The following CFAP74 variants were observed in gnomAD, a reference collection of about 807,000 sequenced individuals.
The protein encoded by CFAP74 is cilia- and flagella-associated protein 74.
Under a neutral mutation model 188.9 loss-of-function variants are expected in CFAP74, and 124 were observed. The observed-to-expected ratio is 0.66, with a 90% CI of 0.57 to 0.76. The LOEUF (loss-of-function observed/expected upper bound fraction) is 0.76, where lower values mean the gene tolerates loss of function less well. Ranked by LOEUF, CFAP74 falls within the 30% of genes least tolerant of loss-of-function variation. The pLI, the probability that CFAP74 is intolerant of heterozygous loss-of-function variation, is 0.00. For missense variants in CFAP74, 2,198 were observed against 2,165.2 expected (o/e 1.02, Z -0.30); for synonymous variants, 956 against 916.7 (o/e 1.04, Z -0.77).
At position 1,927,593 on chromosome 1, in the gene CFAP74, C is replaced by T. The variant is rs1396015773; in HGVS notation, c.3527+14G>A. Reference sequence around the variant, plus strand: ...CTGGAGGGAAGCAGGTGGGGCAGCCCCTCCTGGACCCACCTGGGCCTCAGC... The same window carrying T: ...CTGGAGGGAAGCAGGTGGGGCAGCCTCTCCTGGACCCACCTGGGCCTCAGC... On this transcript the variant is annotated intron_variant, in intron 28 of 38. Coordinates refer to ENST00000682832, the MANE Select transcript of CFAP74 (RefSeq NM_001304360.2). 4 of 1,546,712 alleles carry T rather than the reference C, an allele frequency of 2.6e-6. No homozygotes were observed. The South Asian group carries it at 4.8e-5, about 18-fold the overall frequency.
At chr1:1,957,288 A>G (rs2102062712) in intron 16 of CFAP74, among the ~76,000 whole-genome samples, 1 of 152,282 alleles carries the variant, frequency 6.6e-6, no homozygotes, top group Non-Finnish European at 1.5e-5. Flanking sequence ...GCTCTGCCCA[A>G]TGGCCCCTCC....
chr1:1,929,581 C>T (rs568679261), intron 26 of CFAP74, among the ~76,000 whole-genome samples: 2 of 151,864 alleles, frequency 1.3e-5, no homozygotes, highest in South Asian at 2.1e-4. Flanking sequence ...CCCTTACATG[C>T]CCTTCCTCAC....
chr1:1,968,941 G>A lies in CFAP74; in HGVS notation c.1047-108C>T, dbSNP rs927608211. 3.8e-5 allele frequency: 22 copies of A among 582,308 alleles called. No homozygotes were observed. Among genetic ancestry groups the A allele is most frequent in the African/African-American group, 2.6e-4 (11 of 42,548 alleles). The allele number at this position is 582,308 out of a possible 1,614,324, so 36.1% of individuals were successfully genotyped here. ...TCCCTAGCGCCCTCCTGGGGGCTCC[G>A]GTCCTGCCCAGCAGCCCCAGGTGAG... On this transcript the variant is annotated intron_variant, in intron 10 of 38. Coordinates refer to ENST00000682832, the MANE Select transcript of CFAP74 (RefSeq NM_001304360.2). This position sits in a 1 kb window ranked among gnomAD's most constrained non-coding sequence, Gnocchi z 4.3.
rs796189117 is a variant in CFAP74, at chr1:1,963,128, A to C, written c.1694+621T>G. On this transcript the variant is annotated intron_variant, in intron 14 of 38. Transcript: ENST00000682832. The stretch of plus-strand genomic sequence containing the variant: ...CTAATTGCCAGGGAAAACTTATCAG[A>C]ATGGTCAACATCAAAACATAACAAT... Among the ~76,000 whole-genome samples the C allele has an allele frequency of 2.6e-5, 4 of 152,196 alleles. No individual in the cohort carries two copies. The South Asian group carries it at 6.2e-4, about 24-fold the overall frequency.
rs866248787 is a variant in CFAP74, at chr1:1,981,858, G to A, written c.500+3528C>T. Among the ~76,000 whole-genome samples the A allele has an allele frequency of 5.5e-4, 50 of 90,152 alleles. 1 individual carries two copies. The highest frequency in any genetic ancestry group is 7.8e-4 in the South Asian group (2 of 2,578). 59.1% of individuals were successfully genotyped at this position (90,152 alleles called of 152,430 possible). A position where few individuals can be genotyped will look rare whatever the true frequency, so the allele number is the denominator to read the frequency against. The stretch of plus-strand genomic sequence containing the variant: ...ACGGGGGCACGCAGGACACCCAGCC[G>A]CGGACAGACACGGGGGCACGCAGGA... On this transcript the variant is annotated intron_variant, in intron 6 of 38. Transcript: ENST00000682832.
intron 6 of CFAP74, among the ~76,000 whole-genome samples, chr1:1,982,539 G>C (rs1351658132): frequency 6.6e-6 from 1 of 152,258 alleles, no homozygotes; most frequent in Non-Finnish European, 1.5e-5. Flanking sequence ...TTAACACTGG[G>C]TGGAGAGCAG....
At chr1:1,995,680 TG>T (rs1444465476) in intron 1 of CFAP74, among the ~76,000 whole-genome samples, 1 of 151,580 alleles carries the variant, frequency 6.6e-6, no homozygotes, top group Admixed American at 6.6e-5. Context: ...GAGGCAGAGG[TG>T]GGTGGATCAC....
rs771268797 is a variant in CFAP74, at chr1:1,972,986, G to C, written c.736C>G (p.Arg246Gly). The change falls in exon 8 of 39, where the codon CGG becomes GGG. Residue 246 changes from arginine (R) to glycine (G), a missense_variant. Arg to Gly is a moderately radical substitution (Grantham distance 125). Coordinates refer to ENST00000682832, the MANE Select transcript of CFAP74 (RefSeq NM_001304360.2). ...CGCACGGCAACCTTGTGGTTCTTCC[G>C]GGCGTCCTCCAGCAGCTTCTGGTGC... ...LRHQKLLEDA[R>G]KNHKVAVRFL... 6.2e-6 allele frequency: 10 copies of C among 1,613,838 alleles called. No individual in the cohort carries two copies. Among genetic ancestry groups the C allele is most frequent in the Non-Finnish European group, 8.5e-6 (10 of 1,179,998 alleles).
intron 10 of CFAP74, among the ~76,000 whole-genome samples, chr1:1,969,358 C>T (rs1449181274): frequency 1.4e-5 from 2 of 147,620 alleles, no homozygotes; most frequent in Non-Finnish European, 3.0e-5. Context: ...CAGCCCAGCC[C>T]AGACCTTCCC....
intron 6 of CFAP74, among the ~76,000 whole-genome samples, chr1:1,983,186 T>C (rs1421049302): frequency 6.6e-6 from 1 of 152,060 alleles, no homozygotes; most frequent in Non-Finnish European, 1.5e-5. Context: ...TAGGAAGGGA[T>C]GGTGCAACTG....
At chr1:1,988,766 C>T in intron 3 of CFAP74, 111 bp from the exon 4 acceptor site, 3 of 1,397,506 alleles carry the variant, frequency 2.1e-6, no homozygotes, top group Non-Finnish European at 9.8e-7. Context: ...AGGGCGGGAG[C>T]TGCGGGAGCT....
At chr1:1,966,235 G>T in intron 12 of CFAP74, 136 bp downstream of exon 12, 1 of 779,862 alleles carries the variant, frequency 1.3e-6, no homozygotes, top group Non-Finnish European at 1.9e-6. Flanking sequence ...ACAGGAGAGG[G>T]TGGCGGGAGA....
intron 1 of CFAP74, among the ~76,000 whole-genome samples, chr1:1,999,796 G>A (rs557223946): frequency 1.3e-5 from 2 of 152,056 alleles, no homozygotes; most frequent in South Asian, 2.1e-4. Context: ...CAGCTTAGGC[G>A]ACAGAGCAAG....
chr1:1,927,774 C>T, intron 27 of CFAP74, 28 bp from the exon 28 acceptor site: 2 of 1,544,642 alleles, frequency 1.3e-6, no homozygotes, highest in Admixed American at 2.0e-5. Flanking sequence ...GGCTGTGGGG[C>T]TGTGCAGGGC....
At chr1:1,974,289 C>T in intron 6 of CFAP74, 91 bp from the exon 7 acceptor site, 4 of 1,355,984 alleles carry the variant, frequency 2.9e-6, no homozygotes, top group South Asian at 1.4e-5. Flanking sequence ...ATCCTCCAGG[C>T]AGATGTTGAA....
intron 25 of CFAP74, among the ~76,000 whole-genome samples, chr1:1,934,106 T>C (rs1427042954): frequency 6.6e-6 from 1 of 152,192 alleles, no homozygotes; most frequent in Non-Finnish European, 1.5e-5. Flanking sequence ...TGCATGGGGC[T>C]CTCCAAGTTT....
chr1:1,944,131 C>G (rs556185669), intron 21 of CFAP74, among the ~76,000 whole-genome samples, 200 bp downstream of exon 21: 26 of 152,344 alleles, frequency 1.7e-4, no homozygotes, highest in African/African-American at 6.3e-4. Flanking sequence ...GGACAGCAGC[C>G]GTGGCAGCCC....
At chr1:1,971,104 C>T (rs995831653) in intron 9 of CFAP74, among the ~76,000 whole-genome samples, 6 of 146,996 alleles carry the variant, frequency 4.1e-5, no homozygotes, top group Non-Finnish European at 5.9e-5. Context: ...CACCTGCACA[C>T]GTGTGCACAC....
At chr1:1,950,925 A>G (rs1014511865) in intron 18 of CFAP74, among the ~76,000 whole-genome samples, 3 of 151,490 alleles carry the variant, frequency 2.0e-5, no homozygotes, top group Non-Finnish European at 1.5e-5. Flanking sequence ...TTCGGGGGGG[A>G]ATTTTATATT....
Sources: gnomAD v4.1 joint callset for allele counts (sites outside exome capture counted in the v4.1 genomes callset) on GRCh38, gnomAD v4.1.1 for gene constraint, Gnocchi (gnomAD v3.1) non-coding constraint, MANE v1.5 for transcripts, NCBI Gene and HGNC (gene_info 2026-07-23, HGNC 2026-07-21) for gene names.